Variants in GRK4 observed in about 807,000 individuals in gnomAD.
GRK4 encodes G protein-coupled receptor kinase 2-like.
GRK4 carries 73 observed loss-of-function variants against 77.9 expected under a neutral mutation model. The observed-to-expected ratio is 0.94, with a 90% CI of 0.78 to 1.14. GRK4 has a LOEUF of 1.14. Among genes scored for constraint, GRK4 ranks in the 50% most tolerant of loss-of-function variants. The probability of loss-of-function intolerance (pLI) is 0.00; values close to 1 mark genes in which losing one functional copy is unlikely to be tolerated. For synonymous variants in GRK4, 257 were observed against 254.4 expected, an observed-to-expected ratio of 1.01 and a Z score of -0.10; for missense variants, 729 against 700.2, an observed-to-expected ratio of 1.04 and a Z score of -0.46.
At chr4:3,024,732 C>T (rs1736971447) in intron 10 of GRK4, among the ~76,000 whole-genome samples, 1 of 150,114 alleles carries the variant, frequency 6.7e-6, no homozygotes, top group East Asian at 2.0e-4. Context: ...TGGCAGTGCA[C>T]CTCTAATCCC....
intron 14 of GRK4, among the ~76,000 whole-genome samples, chr4:3,037,789 C>T (rs1256247803): frequency 6.6e-6 from 1 of 152,014 alleles, no homozygotes; most frequent in East Asian, 1.9e-4. Context: ...GTGGCAGGCA[C>T]CTGTAGTCCC....
intron 14 of GRK4, 42 bp downstream of exon 14, chr4:3,037,553 A>G (rs771401072): frequency 6.4e-7 from 1 of 1,567,282 alleles, no homozygotes; most frequent in South Asian, 1.1e-5. Flanking sequence ...TAGTTCCAAC[A>G]GTGACCCAGG....
intron 12 of GRK4, among the ~76,000 whole-genome samples, chr4:3,031,486 C>A (rs1053321314): frequency 2.0e-5 from 3 of 152,174 alleles, no homozygotes; most frequent in Admixed American, 2.0e-4. Flanking sequence ...GAGCTGCACT[C>A]GCCCAGCTCT....
At chr4:2,989,799 A>T (rs79107169) in intron 3 of GRK4, among the ~76,000 whole-genome samples, 160 of 152,320 alleles carry the variant, frequency 1.1e-3, no homozygotes, top group African/African-American at 3.7e-3. Flanking sequence ...TTTGAGATTT[A>T]CTGTGATTTC....
chr4:3,007,078 T>C (rs1023847432), intron 5 of GRK4, among the ~76,000 whole-genome samples: 1 of 152,100 alleles, frequency 6.6e-6, no homozygotes, highest in Non-Finnish European at 1.5e-5. Context: ...GGCTTACACC[T>C]GTAGTCCCAG....
At chr4:3,037,069 GTA>G (rs757060390) in intron 13 of GRK4, among the ~76,000 whole-genome samples, 1,504 of 91,848 alleles carry the variant, frequency 0.016, 9 homozygotes, top group South Asian at 0.029. Flanking sequence ...GTGTGTGTGT[GTA>G]TGTGTGTGTG....
At chr4:2,991,935 C>A (rs1416546449) in intron 3 of GRK4, among the ~76,000 whole-genome samples, 1 of 152,132 alleles carries the variant, frequency 6.6e-6, no homozygotes, top group Non-Finnish European at 1.5e-5. Flanking sequence ...CCTTACTTTC[C>A]CAAAGAAGAG....
chr4:2,973,505 A>T (rs2109429435), intron 1 of GRK4, among the ~76,000 whole-genome samples: 1 of 152,224 alleles, frequency 6.6e-6, no homozygotes, highest in African/African-American at 2.4e-5. Context: ...AAGAGCCTGT[A>T]CCAGACCCCA....
intron 1 of GRK4, among the ~76,000 whole-genome samples, chr4:2,976,118 T>C (rs1309192708): frequency 6.6e-6 from 1 of 152,192 alleles, no homozygotes; most frequent in Non-Finnish European, 1.5e-5. Flanking sequence ...CTTCAGCCCT[T>C]TTCTGCCTAT....
At chr4:3,026,455 C>T (rs1737592949) in intron 10 of GRK4, among the ~76,000 whole-genome samples, 1 of 152,188 alleles carries the variant, frequency 6.6e-6, no homozygotes, top group African/African-American at 2.4e-5. Flanking sequence ...GCTGGCCAGG[C>T]ACGGTGGCTC....
At position 3,037,383 on chromosome 4, in the gene GRK4, G is replaced by T. The variant is rs35024854; in HGVS notation, c.1417G>T (p.Val473Phe). 3 of 1,599,552 alleles carry T rather than the reference G, an allele frequency of 1.9e-6. No individual in the cohort carries two copies. Among genetic ancestry groups the T allele is most frequent in the East Asian group, 2.2e-5 (1 of 44,564 alleles). Residue 473 changes from valine (V) to phenylalanine (F), a missense_variant, in exon 14 of 16, where the codon GTT (valine) becomes TTT (phenylalanine). By Grantham distance (50) the Val-to-Phe change is conservative. Transcript: ENST00000398052. Reference sequence around the variant, plus strand: ...TGTTCTTGCTACACAGCCTCATGCCGTTTACTGTAAGGACGTCCTGGATAT... The same window carrying T: ...TGTTCTTGCTACACAGCCTCATGCCTTTTACTGTAAGGACGTCCTGGATAT... Reference protein sequence around the residue: ...EPPFCPDPHAVYCKDVLDIEQ... With the variant: ...EPPFCPDPHAFYCKDVLDIEQ...
intron 10 of GRK4, among the ~76,000 whole-genome samples, chr4:3,024,852 C>T (rs531619091): frequency 1.5e-4 from 23 of 151,108 alleles, no homozygotes; most frequent in African/African-American, 4.1e-4. Flanking sequence ...AGTGAGACTC[C>T]GTCTCAAAAA....
intron 6 of GRK4, 145 bp from the exon 7 acceptor site, chr4:3,009,503 C>T: frequency 1.7e-6 from 1 of 590,422 alleles, no homozygotes; most frequent in Non-Finnish European, 3.1e-6. Context: ...GCCACAGTCC[C>T]TGAGCACAGA....
At chr4:2,971,571 G>T (rs1026403854) in intron 1 of GRK4, among the ~76,000 whole-genome samples, 2 of 152,186 alleles carry the variant, frequency 1.3e-5, no homozygotes, top group Non-Finnish European at 2.9e-5. Flanking sequence ...AAGAAACTTG[G>T]CAGGAATAGC....
At chr4:3,021,797 G>T (rs1025512740) in intron 9 of GRK4, among the ~76,000 whole-genome samples, 1 of 152,214 alleles carries the variant, frequency 6.6e-6, no homozygotes, top group African/African-American at 2.4e-5. Context: ...TCAGTCTCAA[G>T]ATGAGCTGGA....
intron 7 of GRK4, among the ~76,000 whole-genome samples, chr4:3,012,728 C>T (rs1458386235): frequency 6.6e-6 from 1 of 151,758 alleles, no homozygotes; most frequent in African/African-American, 2.4e-5. Context: ...TTTTTCATGA[C>T]ATAAAGTTAA....
intron 3 of GRK4, among the ~76,000 whole-genome samples, chr4:2,989,670 A>G (rs576394676): frequency 6.6e-6 from 1 of 152,348 alleles, no homozygotes; most frequent in Admixed American, 6.5e-5. Flanking sequence ...AATGCTCTTA[A>G]CTTAAAAACG....
chr4:3,035,289 T>C, intron 12 of GRK4, 97 bp from the exon 13 acceptor site: 1 of 1,207,560 alleles, frequency 8.3e-7, no homozygotes, highest in Non-Finnish European at 1.2e-6. Flanking sequence ...GCACCTGCTC[T>C]GCCCTCCCGA....
intron 4 of GRK4, among the ~76,000 whole-genome samples, chr4:3,002,003 A>C (rs1222429134): frequency 6.6e-6 from 1 of 152,180 alleles, no homozygotes; most frequent in Admixed American, 6.6e-5. Context: ...GATGAGGGTT[A>C]AGGAGAGCAG....
Sources: allele counts gnomAD v4.1 joint callset (sites outside exome capture counted in the v4.1 genomes callset), GRCh38; gene constraint gnomAD v4.1.1; transcripts MANE v1.5; gene names NCBI Gene and HGNC (gene_info 2026-07-23, HGNC 2026-07-21).